SLF1: variants seen among roughly 807,000 people sequenced by gnomAD.
SLF1 encodes the protein SMC5/6 complex localization factor 1, also known as SMC5-SMC6 complex localization factor protein 1.
Under a neutral mutation model 123.0 loss-of-function variants are expected in SLF1, and 105 were observed. The ratio of observed to expected loss-of-function variants is 0.85; its 90% CI spans 0.73 to 1.00. The LOEUF is 1.00. Ranked by LOEUF, SLF1 falls within the 50% of genes least tolerant of loss-of-function variation. The probability of loss-of-function intolerance (pLI) is 0.00; values close to 1 mark genes in which losing one functional copy is unlikely to be tolerated. For missense variants in SLF1, 1,239 were observed against 1,223.0 expected, an observed-to-expected ratio of 1.01 and a Z score of -0.20; for synonymous variants, 434 against 406.6, an observed-to-expected ratio of 1.07 and a Z score of -0.81.
At chr5:94,654,531 G>A (rs1325199055) in intron 8 of SLF1, 99 bp from the exon 9 acceptor site, 3 of 862,888 alleles carry the variant, frequency 3.5e-6, no homozygotes, top group Non-Finnish European at 4.8e-6. Context: ...GGTTAACATG[G>A]TATGAATGTG....
intron 4 of SLF1, among the ~76,000 whole-genome samples, chr5:94,640,192 G>T (rs547159307): frequency 6.6e-6 from 1 of 152,196 alleles, no homozygotes; most frequent in South Asian, 2.1e-4. Context: ...AAGTGTGCTG[G>T]TAATGATTTA....
At chr5:94,622,407 C>A (rs1397714191) in intron 1 of SLF1, among the ~76,000 whole-genome samples, 2 of 152,106 alleles carry the variant, frequency 1.3e-5, no homozygotes, top group Non-Finnish European at 2.9e-5. Context: ...TAGTTTTCAT[C>A]ATGACCTTAA....
chr5:94,628,266 C>T (rs1207537595), intron 1 of SLF1, among the ~76,000 whole-genome samples: 1 of 152,134 alleles, frequency 6.6e-6, no homozygotes, highest in Non-Finnish European at 1.5e-5. Context: ...CTGTCTCAGC[C>T]TCCTGAGTAT....
rs1364787836 is a variant in SLF1, at chr5:94,651,727, T to C, written c.764T>C (p.Val255Ala). The C allele has an allele frequency of 6.6e-7, 1 of 1,522,038 alleles. No homozygotes were observed. Among genetic ancestry groups the C allele is most frequent in the South Asian group, 1.3e-5 (1 of 77,888 alleles). 94.3% of individuals were successfully genotyped at this position (1,522,038 alleles called of 1,614,324 possible). ...TQKEMQNHED[V>A]NVGSILIQHH... Reference sequence around the variant, plus strand: ...AAAGAAATGCAAAATCATGAAGATGTTAATGTTGGTTCTATTTTGATTCAA... The same window carrying C: ...AAAGAAATGCAAAATCATGAAGATGCTAATGTTGGTTCTATTTTGATTCAA... Residue 255 changes from valine to alanine, a missense_variant, in exon 7 of 21, where the codon GTT (valine) becomes GCT (alanine). By Grantham distance (64) the Val-to-Ala change is moderately conservative. Coordinates refer to ENST00000265140, the MANE Select transcript of SLF1 (RefSeq NM_032290.4).
Position 94,630,847 on chromosome 5 carries a change from A to G in SLF1, c.431+104A>G, listed in dbSNP as rs150155851. 2.9e-5 allele frequency: 37 copies of G among 1,282,070 alleles called. 1 individual carries two copies. In the African/African-American group the frequency reaches 4.5e-4, roughly 16 times the overall value. The allele number at this position is 1,282,070 out of a possible 1,614,324, so 79.4% of individuals were successfully genotyped here. ...TTGCAATTATTAGCCCAAATGAGCC[A>G]TGGTGATTTACTCCAATCTCCTAGG... On this transcript the variant is annotated intron_variant, in intron 4 of 20. Transcript: ENST00000265140.
At chr5:94,653,491 T>C (rs1747991830) in intron 8 of SLF1, 70 bp downstream of exon 8, 3 of 1,264,608 alleles carry the variant, frequency 2.4e-6, no homozygotes, top group Non-Finnish European at 3.2e-6. Flanking sequence ...AATCTAGATA[T>C]ATAATGCTAC....
chr5:94,629,166 A>C lies in SLF1; in HGVS notation c.189A>C (p.Ala63=). 6.5e-7 allele frequency: 1 copy of C among 1,547,658 alleles called. No homozygotes were observed. The highest frequency in any genetic ancestry group is 8.7e-7 in the Non-Finnish European group (1 of 1,145,228). ...KSEKFLAACA[A]GKWILTKDYI... is the part of the protein sequence containing the mutation. ...AAAAATTTTTAGCAGCTTGTGCGGC[A>C]GGTAAGTTAACTGTCTTCCCCCAAC... The change falls in exon 3 of 21, where the codon GCA becomes GCC. Residue 63 remains alanine, a splice_region_variant and synonymous_variant. Coordinates refer to ENST00000265140, the MANE Select transcript of SLF1 (RefSeq NM_032290.4).
chr5:94,695,371 T>C lies in SLF1; in HGVS notation c.*59T>C, dbSNP rs1753454267. 1 of 1,510,134 alleles carries C rather than the reference T, an allele frequency of 6.6e-7. No individual in the cohort carries two copies. Among genetic ancestry groups the C allele is most frequent in the African/African-American group, 1.4e-5 (1 of 71,758 alleles). The allele number at this position is 1,510,134 out of a possible 1,614,324, so 93.5% of individuals were successfully genotyped here. Reference sequence around the variant, plus strand: ...CTGTTCAGTTTGCATTGGTACTTACTGTGGACTTCATAGCTTACTGACAGA... The same window carrying C: ...CTGTTCAGTTTGCATTGGTACTTACCGTGGACTTCATAGCTTACTGACAGA... On this transcript the variant is annotated 3_prime_UTR_variant, in exon 21 of 21. Transcript: ENST00000265140.
chr5:94,682,731 C>T (rs1442032265), intron 15 of SLF1, among the ~76,000 whole-genome samples: 1 of 152,200 alleles, frequency 6.6e-6, no homozygotes, highest in Admixed American at 6.5e-5. Flanking sequence ...TGTTTCTAAA[C>T]ACTTTGGACA....
At chr5:94,664,057 C>A in intron 11 of SLF1, 149 bp downstream of exon 11, 1 of 677,170 alleles carries the variant, frequency 1.5e-6, no homozygotes, top group Non-Finnish European at 2.3e-6. Flanking sequence ...TTTATTACTA[C>A]TGTTCTGTTT....
chr5:94,636,439 T>C (rs1745781211), intron 4 of SLF1, among the ~76,000 whole-genome samples: 2 of 152,066 alleles, frequency 1.3e-5, no homozygotes, highest in African/African-American at 4.8e-5. Flanking sequence ...CCCATAGGCT[T>C]TCTTCATCCT....
chr5:94,634,569 T>C (rs1002522238), intron 4 of SLF1, among the ~76,000 whole-genome samples: 3 of 152,230 alleles, frequency 2.0e-5, no homozygotes, highest in Admixed American at 6.5e-5. Context: ...ATATTTTCTT[T>C]ATTCATTGAT....
chr5:94,649,553 C>A lies in SLF1; in HGVS notation c.694C>A (p.Leu232Ile). The change falls in exon 6 of 21, where the codon CTT (leucine) becomes ATT (isoleucine). Residue 232 changes from leucine to isoleucine, a missense_variant. By Grantham distance (5) the Leu-to-Ile change is conservative. Coordinates refer to ENST00000265140, the MANE Select transcript of SLF1 (RefSeq NM_032290.4). The stretch of plus-strand genomic sequence containing the variant: ...AGATTTCAGGAAAGATGCAGGATTT[C>A]TTGAAATGAAAGGTGCCTTAAGAGA... Reference protein sequence around the residue: ...NKDFRKDAGFLEMKGALRETM... With the variant: ...NKDFRKDAGFIEMKGALRETM... 1 of 1,537,524 alleles carries A rather than the reference C, an allele frequency of 6.5e-7. No homozygotes were observed. The highest frequency in any genetic ancestry group is 8.8e-7 in the Non-Finnish European group (1 of 1,137,216).
chr5:94,693,104 T>C (rs1392233565), intron 20 of SLF1, among the ~76,000 whole-genome samples: 2 of 152,130 alleles, frequency 1.3e-5, no homozygotes, highest in African/African-American at 4.8e-5. Flanking sequence ...ATTAAAACAT[T>C]TGATTGTGCA....
chr5:94,682,637 A>C (rs1751936642), intron 15 of SLF1, among the ~76,000 whole-genome samples: 1 of 152,244 alleles, frequency 6.6e-6, no homozygotes, highest in South Asian at 2.1e-4. Flanking sequence ...TCAAGAATTA[A>C]GGCAACAGAT....
At chr5:94,676,364 C>T (rs1288487982) in intron 14 of SLF1, among the ~76,000 whole-genome samples, 1 of 152,174 alleles carries the variant, frequency 6.6e-6, no homozygotes, top group African/African-American at 2.4e-5. Context: ...TAGCACTAGA[C>T]CCTAGTCCTG....
At chr5:94,638,596 T>C (rs1482477390) in intron 4 of SLF1, among the ~76,000 whole-genome samples, 1 of 152,182 alleles carries the variant, frequency 6.6e-6, no homozygotes, top group Non-Finnish European at 1.5e-5. Context: ...CTATAAAAGC[T>C]CAATGCCTGC....
At chr5:94,684,163 A>G (rs1180520952) in intron 15 of SLF1, among the ~76,000 whole-genome samples, 1 of 152,176 alleles carries the variant, frequency 6.6e-6, no homozygotes, top group Non-Finnish European at 1.5e-5. Flanking sequence ...TCTACAAGTT[A>G]TTTTTGCTTT....
intron 1 of SLF1, among the ~76,000 whole-genome samples, chr5:94,627,954 C>T (rs1015718786): frequency 2.6e-5 from 4 of 150,980 alleles, no homozygotes; most frequent in South Asian, 2.1e-4. Context: ...CTCAGCCTCC[C>T]GAGTAGCTGG....
Sources: allele counts gnomAD v4.1 joint callset (sites outside exome capture counted in the v4.1 genomes callset), GRCh38; gene constraint gnomAD v4.1.1; transcripts MANE v1.5; gene names NCBI Gene and HGNC (gene_info 2026-07-23, HGNC 2026-07-21).